BMPR1B: variants seen among roughly 807,000 people sequenced by gnomAD.
BMPR1B encodes the protein bone morphogenetic protein receptor type 1B.
In BMPR1B, 12 loss-of-function variants were observed where a neutral mutation model predicts 59.1. The ratio of observed to expected loss-of-function variants is 0.20; its 90% confidence interval spans 0.13 to 0.33. The LOEUF is 0.33. BMPR1B is among the 10% of genes least tolerant of loss of function. The pLI, the probability that BMPR1B is intolerant of heterozygous loss-of-function variation, is 1.00. For missense variants in BMPR1B, 550 were observed against 610.9 expected (o/e 0.90, Z 1.05); for synonymous variants, 237 against 207.3 (o/e 1.14, Z -1.23).
intron 1 of BMPR1B, among the ~76,000 whole-genome samples, chr4:94,819,947 T>G (rs1724144658): frequency 6.6e-6 from 1 of 152,232 alleles, no homozygotes; most frequent in East Asian, 1.9e-4. Context: ...GAACAGCTCC[T>G]AAAACAGTCT....
intron 3 of BMPR1B, among the ~76,000 whole-genome samples, chr4:95,012,252 C>CT (rs1389518429): frequency 6.6e-6 from 1 of 151,860 alleles, no homozygotes; most frequent in African/African-American, 2.4e-5. Context: ...AATTTTTGCT[C>CT]TTTTTTTTCT....
intron 2 of BMPR1B, among the ~76,000 whole-genome samples, chr4:94,883,048 A>G (rs1487338586): frequency 1.3e-5 from 2 of 151,102 alleles, no homozygotes; most frequent in Non-Finnish European, 2.9e-5. Context: ...CCTGCACCCA[A>G]TTCTCAGTGC....
chr4:94,926,158 TG>T (rs1216059130), intron 2 of BMPR1B, among the ~76,000 whole-genome samples: 2 of 148,434 alleles, frequency 1.3e-5, no homozygotes, highest in Non-Finnish European at 3.0e-5. Flanking sequence ...TCTTTGAAAA[TG>T]ACAGCTCTAA....
intron 3 of BMPR1B, among the ~76,000 whole-genome samples, chr4:95,079,632 T>C (rs1202978422): frequency 1.3e-5 from 2 of 152,132 alleles, no homozygotes; most frequent in Non-Finnish European, 2.9e-5. Flanking sequence ...AAAAACTGAC[T>C]TGTGTTTGGA....
Position 95,129,906 on chromosome 4 carries a change from T to C in BMPR1B, c.630T>C (p.Ile210=). ...IAKQIQMVKQ[I]GKGRYGEVWM... is the part of the protein sequence containing the mutation. ...AGCAGATTCAGATGGTGAAACAGAT[T>C]GGAAAAGGTCGCTATGGGGAAGTTT... Residue 210 remains isoleucine (I), a synonymous_variant, in exon 9 of 13, where the codon ATT becomes ATC. Transcript: ENST00000515059. The C allele has an allele frequency of 6.2e-7, 1 of 1,613,760 alleles. No homozygotes were observed. The highest frequency in any genetic ancestry group is 8.5e-7 in the Non-Finnish European group (1 of 1,179,786).
chr4:95,129,782 G>A (rs182881004), intron 8 of BMPR1B, 80 bp from the exon 9 acceptor site: 530 of 1,418,754 alleles, frequency 3.7e-4, no homozygotes, highest in Non-Finnish European at 4.8e-4. Context: ...TGCAGTAATC[G>A]TTTCTTCTCT....
At chr4:95,063,434 G>A (rs140794222) in intron 3 of BMPR1B, among the ~76,000 whole-genome samples, 2 of 151,860 alleles carry the variant, frequency 1.3e-5, no homozygotes, top group African/African-American at 4.8e-5. Flanking sequence ...TAGATCATAG[G>A]TGCAGGAGCT....
intron 1 of BMPR1B, among the ~76,000 whole-genome samples, chr4:94,762,866 T>C (rs1218280454): frequency 1.3e-5 from 2 of 151,922 alleles, no homozygotes; most frequent in East Asian, 3.9e-4. Flanking sequence ...TTGTTTTTTT[T>C]TTTTTGCGGG....
At chr4:94,775,564 A>G (rs1367412479) in intron 1 of BMPR1B, among the ~76,000 whole-genome samples, 1 of 152,172 alleles carries the variant, frequency 6.6e-6, no homozygotes, top group Non-Finnish European at 1.5e-5. Context: ...TTATGTTTTT[A>G]TTGATTTGAA....
At chr4:95,075,269 T>A (rs569676577) in intron 3 of BMPR1B, among the ~76,000 whole-genome samples, 1 of 152,194 alleles carries the variant, frequency 6.6e-6, no homozygotes, top group Non-Finnish European at 1.5e-5. Flanking sequence ...AGGTATTGGA[T>A]CTGTTTCACA....
intron 1 of BMPR1B, among the ~76,000 whole-genome samples, chr4:94,819,608 T>A (rs1376405818): frequency 2.0e-5 from 3 of 152,204 alleles, no homozygotes; most frequent in Non-Finnish European, 2.9e-5. Flanking sequence ...GTAAACAAGT[T>A]CTTCTCCCTT....
At chr4:95,002,484 C>T (rs1467517205) in intron 3 of BMPR1B, among the ~76,000 whole-genome samples, 1 of 152,154 alleles carries the variant, frequency 6.6e-6, no homozygotes, top group East Asian at 1.9e-4. Context: ...TCTTTTAGAT[C>T]TATGCCCAGC....
Position 95,042,898 on chromosome 4 carries a change from G to A in BMPR1B, c.-18+46764G>A, listed in dbSNP as rs551170930. ...ATTAACATAAAGAATTACCTCGGCC[G>A]GGCGCGGTGGCTCACGCCTGTAATC... On this transcript the variant is annotated intron_variant, in intron 3 of 12. Coordinates refer to ENST00000515059, the MANE Select transcript of BMPR1B (RefSeq NM_001203.3). Among the ~76,000 whole-genome samples the A allele has an allele frequency of 1.5e-4, 23 of 152,130 alleles. No homozygotes were observed. The South Asian group carries it at 3.7e-3, about 25-fold the overall frequency.
chr4:95,145,671 C>T (rs1734589117), intron 10 of BMPR1B, among the ~76,000 whole-genome samples: 1 of 152,188 alleles, frequency 6.6e-6, no homozygotes, highest in Admixed American at 6.5e-5. Context: ...GAAATGTAGT[C>T]TAATGACTTT....
intron 3 of BMPR1B, among the ~76,000 whole-genome samples, chr4:95,006,492 C>T (rs16996451): frequency 0.02 from 2,963 of 148,670 alleles, 87 homozygotes; most frequent in African/African-American, 0.068. Context: ...ACAATACTTA[C>T]GATTATGTAG....
intron 3 of BMPR1B, among the ~76,000 whole-genome samples, chr4:95,071,652 G>GTATATATATATATATATATATATATA (rs58148216): frequency 1.2e-5 from 1 of 84,334 alleles, no homozygotes; most frequent in African/African-American, 4.2e-5. Context: ...GTGTGTGTGT[G>GTATATATATATATATATATATATATA]TATATATATA....
intron 3 of BMPR1B, among the ~76,000 whole-genome samples, chr4:95,022,356 A>G (rs1300984643): frequency 6.6e-6 from 1 of 152,224 alleles, no homozygotes; most frequent in Non-Finnish European, 1.5e-5. Flanking sequence ...GTATTTTCTG[A>G]CCACATTGAA....
At chr4:94,983,632 C>T (rs1274161653) in intron 2 of BMPR1B, among the ~76,000 whole-genome samples, 1 of 152,114 alleles carries the variant, frequency 6.6e-6, no homozygotes, top group Non-Finnish European at 1.5e-5. Flanking sequence ...CACTTAAGGC[C>T]CTAACTCCAA....
At chr4:94,868,400 A>T (rs1184914576) in intron 1 of BMPR1B, among the ~76,000 whole-genome samples, 3 of 151,818 alleles carry the variant, frequency 2.0e-5, no homozygotes, top group Non-Finnish European at 4.4e-5. Flanking sequence ...TGAACTCCTG[A>T]CCTCAAATGG....
Sources: allele counts gnomAD v4.1 joint callset (sites outside exome capture counted in the v4.1 genomes callset), GRCh38; gene constraint gnomAD v4.1.1; transcripts MANE v1.5; gene names NCBI Gene and HGNC (gene_info 2026-07-23, HGNC 2026-07-21).